SIL1: variants seen among roughly 807,000 people sequenced by gnomAD.
SIL1 encodes the protein nucleotide exchange factor SIL1.
SIL1 carries 40 observed loss-of-function variants against 49.1 expected under a neutral mutation model. The observed-to-expected ratio is 0.81, with a 90% CI of 0.63 to 1.06. The LOEUF is 1.06. Among genes scored for constraint, SIL1 ranks in the 50% least tolerant of loss-of-function variants. SIL1 has a pLI of 0.00. For missense variants in SIL1, 500 were observed against 572.6 expected (o/e 0.87, Z 1.29); for synonymous variants, 253 against 250.8 (o/e 1.01, Z -0.08).
intron 2 of SIL1, among the ~76,000 whole-genome samples, chr5:139,121,868 C>G (rs1040540979): frequency 5.3e-5 from 8 of 152,196 alleles, no homozygotes; most frequent in Non-Finnish European, 1.2e-4. Context: ...GATGGTGTCT[C>G]TGGAGCATTC....
intron 1 of SIL1, among the ~76,000 whole-genome samples, chr5:139,171,891 A>C (rs1486883922): frequency 6.6e-6 from 1 of 152,118 alleles, no homozygotes; most frequent in Non-Finnish European, 1.5e-5. Flanking sequence ...AAAAGATTAA[A>C]ATATCAATAA....
intron 4 of SIL1, among the ~76,000 whole-genome samples, chr5:139,048,669 C>T (rs1227503658): frequency 6.6e-6 from 1 of 152,016 alleles, no homozygotes; most frequent in Non-Finnish European, 1.5e-5. Flanking sequence ...TGTACCCGGC[C>T]CCTAACTCAA....
chr5:139,087,401 C>CG (rs1413386368), intron 3 of SIL1, among the ~76,000 whole-genome samples: 2 of 151,990 alleles, frequency 1.3e-5, no homozygotes, highest in Non-Finnish European at 2.9e-5. Context: ...TTGAAAGACT[C>CG]TAAGAACCAA....
chr5:139,037,116 T>C (rs1474277880), intron 5 of SIL1, among the ~76,000 whole-genome samples: 3 of 151,822 alleles, frequency 2.0e-5, no homozygotes, highest in Non-Finnish European at 2.9e-5. Flanking sequence ...TAAAATTCTG[T>C]GTGGACAGTT....
At chr5:138,970,610 C>T (rs1175331033) in intron 7 of SIL1, among the ~76,000 whole-genome samples, 3 of 152,170 alleles carry the variant, frequency 2.0e-5, no homozygotes. Context: ...TCAGCCTGCA[C>T]CTCTAGGCTT....
intron 7 of SIL1, among the ~76,000 whole-genome samples, chr5:139,010,157 C>G (rs1185553087): frequency 1.1e-4 from 16 of 140,696 alleles, no homozygotes; most frequent in Admixed American, 1.1e-3. Context: ...AGGCTTTGCT[C>G]ATTTCTTTTT....
chr5:139,064,361 G>A (rs989030405), intron 3 of SIL1, among the ~76,000 whole-genome samples: 1 of 152,204 alleles, frequency 6.6e-6, no homozygotes, highest in African/African-American at 2.4e-5. Context: ...GTTGTGGGGT[G>A]GTGTGTGCAG....
At chr5:139,120,632 C>T (rs1750605951) in intron 3 of SIL1, among the ~76,000 whole-genome samples, 1 of 152,178 alleles carries the variant, frequency 6.6e-6, no homozygotes, top group South Asian at 2.1e-4. Flanking sequence ...CAACAGAATA[C>T]TCCTGCCCCA....
At chr5:139,109,282 C>T (rs1047763280) in intron 3 of SIL1, among the ~76,000 whole-genome samples, 1 of 152,096 alleles carries the variant, frequency 6.6e-6, no homozygotes, top group Non-Finnish European at 1.5e-5. Flanking sequence ...ACAATTTAAC[C>T]CAGTGGGAAT....
intron 3 of SIL1, among the ~76,000 whole-genome samples, chr5:139,112,914 A>G (rs945662852): frequency 2.6e-5 from 4 of 152,248 alleles, no homozygotes; most frequent in Non-Finnish European, 5.9e-5. Context: ...CTGTGTAGAA[A>G]GAAGTAGACA....
chr5:139,015,503 G>A lies in SIL1; in HGVS notation c.767+5668C>T, dbSNP rs753770716. On this transcript the variant is annotated intron_variant, in intron 7 of 9. Coordinates refer to ENST00000394817, the MANE Select transcript of SIL1 (RefSeq NM_022464.5). The stretch of plus-strand genomic sequence containing the variant: ...CATAAGAAAAATCTGGAAGTAGATG[G>A]TTCCAAAATCACGAAAGTGGCTAAA... Among the ~76,000 whole-genome samples, 154 of 152,158 alleles carry A rather than the reference G, an allele frequency of 1.0e-3. 2 individuals carry two copies. The highest frequency in any genetic ancestry group is 4.3e-4 in the Non-Finnish European group (29 of 68,020).
chr5:139,105,911 C>T (rs1021426039), intron 3 of SIL1, among the ~76,000 whole-genome samples: 1 of 152,254 alleles, frequency 6.6e-6, no homozygotes, highest in Admixed American at 6.5e-5. Flanking sequence ...GGAAAAGGAG[C>T]CGCAAACATA....
intron 3 of SIL1, among the ~76,000 whole-genome samples, chr5:139,079,084 T>C (rs1256738272): frequency 6.6e-6 from 1 of 152,240 alleles, no homozygotes; most frequent in African/African-American, 2.4e-5. Context: ...GTGACTACCA[T>C]ATCAGATAGC....
At chr5:139,055,968 C>T (rs2150459025) in intron 3 of SIL1, among the ~76,000 whole-genome samples, 1 of 152,238 alleles carries the variant, frequency 6.6e-6, no homozygotes, top group South Asian at 2.1e-4. Flanking sequence ...CTCCTTCACT[C>T]AGTGCTCAAT....
chr5:139,078,177 C>G (rs1013015034), intron 3 of SIL1, among the ~76,000 whole-genome samples: 5 of 152,152 alleles, frequency 3.3e-5, no homozygotes, highest in Non-Finnish European at 7.4e-5. Context: ...AGCCTGGTGG[C>G]TCACATCTGT....
At position 139,196,282 on chromosome 5, in the gene SIL1, G is replaced by A. The variant is rs76688420; in HGVS notation, c.-11+1987C>T. Among the ~76,000 whole-genome samples, 332 of 152,296 alleles carry A rather than the reference G, an allele frequency of 2.2e-3. 4 individuals carry two copies. Among genetic ancestry groups the A allele is most frequent in the African/African-American group, 7.6e-3 (317 of 41,558 alleles). On this transcript the variant is annotated intron_variant, in intron 1 of 9. Transcript: ENST00000394817. ...AAAAAGGTCTCTGAAAACAATTCCA[G>A]AGGTGGATTTTCAAAACTGCCTTGG...
chr5:139,168,520 C>T (rs2151813783), intron 1 of SIL1, among the ~76,000 whole-genome samples: 1 of 152,268 alleles, frequency 6.6e-6, no homozygotes, highest in East Asian at 1.9e-4. Context: ...TACAGAGGTG[C>T]AGACAAAGTA....
intron 7 of SIL1, among the ~76,000 whole-genome samples, chr5:138,968,520 G>A (rs1333510070): frequency 2.0e-5 from 3 of 152,078 alleles, no homozygotes; most frequent in Non-Finnish European, 4.4e-5. Flanking sequence ...CCTACTGCAA[G>A]AACCCTTCAG....
intron 5 of SIL1, chr5:139,032,783 GATA>G (rs1422300921): frequency 4.6e-5 from 7 of 151,980 alleles, no homozygotes; most frequent in Non-Finnish European, 7.4e-5. Context: ...GGTAAATTTG[GATA>G]ATATGTGCTT....
Sources: gnomAD v4.1 joint callset for allele counts (sites outside exome capture counted in the v4.1 genomes callset) on GRCh38, gnomAD v4.1.1 for gene constraint, MANE v1.5 for transcripts, NCBI Gene and HGNC (gene_info 2026-07-23, HGNC 2026-07-21) for gene names.